The following FGD6 variants were observed in gnomAD, a reference collection of about 807,000 sequenced individuals.
FGD6 encodes FYVE, RhoGEF and PH domain containing 6, also known as FYVE, RhoGEF and PH domain-containing protein 6.
FGD6 carries 90 observed loss-of-function variants against 149.4 expected under a neutral mutation model. That is an observed-to-expected ratio of 0.60 (90% CI 0.51 to 0.72). FGD6 has a LOEUF of 0.72. Ranked by LOEUF, FGD6 falls within the 30% of genes least tolerant of loss-of-function variation. FGD6 has a pLI of 0.00. For synonymous variants in FGD6, 527 were observed against 584.0 expected, an observed-to-expected ratio of 0.90 and a Z score of 1.41; for missense variants, 1,437 against 1,684.8, an observed-to-expected ratio of 0.85 and a Z score of 2.57.
Position 95,084,486 on chromosome 12 carries a change from C to A in FGD6, c.4256+12G>T. 3 of 1,513,020 alleles carry A rather than the reference C, an allele frequency of 2.0e-6. No individual in the cohort carries two copies. Among genetic ancestry groups the A allele is most frequent in the South Asian group, 2.8e-5 (2 of 71,978 alleles). 93.7% of individuals were successfully genotyped at this position (1,513,020 alleles called of 1,614,324 possible). A position where few individuals can be genotyped will look rare whatever the true frequency, so the allele number is the denominator to read the frequency against. The stretch of plus-strand genomic sequence containing the variant: ...CTCATGAATAAAAGAAAAATATGGC[C>A]AGATTACTTACTTCTGAGCCGAATG... On this transcript the variant is annotated intron_variant, in intron 20 of 20. Coordinates refer to ENST00000343958, the MANE Select transcript of FGD6 (RefSeq NM_018351.4).
At chr12:95,216,669 C>A (rs1380932156) in intron 1 of FGD6, among the ~76,000 whole-genome samples, 61 of 88,700 alleles carry the variant, frequency 6.9e-4, no homozygotes, top group Admixed American at 1.6e-3. Context: ...TGCAGACAAG[C>A]AAAAAAAAAA....
intron 2 of FGD6, among the ~76,000 whole-genome samples, chr12:95,184,333 G>T (rs529384697): frequency 6.6e-6 from 1 of 152,218 alleles, no homozygotes; most frequent in Non-Finnish European, 1.5e-5. Flanking sequence ...CACAGAGGGG[G>T]AGGTTAGTCA....
At chr12:95,163,990 C>T (rs532404992) in intron 3 of FGD6, among the ~76,000 whole-genome samples, 2 of 152,326 alleles carry the variant, frequency 1.3e-5, no homozygotes, top group African/African-American at 4.8e-5. Flanking sequence ...CCCATGGCAT[C>T]TCAACTTTTC....
rs144131316 is a variant in FGD6 at position 95,120,002 on chromosome 12, G to A, written c.3083-6301C>T. On this transcript the variant is annotated intron_variant, in intron 8 of 20. Coordinates refer to ENST00000343958, the MANE Select transcript of FGD6 (RefSeq NM_018351.4). ...TCCCAGCACTTTGGGAGGCTGAGGC[G>A]GGAGGATCACGATGTCAGGAGTTCG... Among the ~76,000 whole-genome samples the A allele has an allele frequency of 7.6e-3, 1,147 of 151,740 alleles. 16 individuals are homozygous for A. Among genetic ancestry groups the A allele is most frequent in the African/African-American group, 0.026 (1,081 of 41,386 alleles).
rs576150101 is a variant in FGD6, at chr12:95,141,998, A to G, written c.2686-459T>C. 7.2e-5 allele frequency among the ~76,000 whole-genome samples: 11 copies of G among 152,196 alleles called. No homozygotes were observed. The South Asian group carries it at 1.7e-3, about 23-fold the overall frequency. On this transcript the variant is annotated intron_variant, in intron 5 of 20. Coordinates refer to ENST00000343958, the MANE Select transcript of FGD6 (RefSeq NM_018351.4). ...CATTTCCCAACAACTGGAGCATCCT[A>G]GGTGAGGCATGTGGAGAGAGGCACG...
chr12:95,116,033 C>T (rs771096696), intron 8 of FGD6, among the ~76,000 whole-genome samples: 152 of 151,134 alleles, frequency 1.0e-3, no homozygotes, highest in Middle Eastern at 3.4e-3. Context: ...GAGCATCCCC[C>T]GCAAAATATA....
intron 18 of FGD6, among the ~76,000 whole-genome samples, chr12:95,089,032 C>T (rs1877965962): frequency 1.3e-5 from 2 of 152,302 alleles, no homozygotes; most frequent in South Asian, 2.1e-4. Flanking sequence ...TCTTTGACAT[C>T]TAAATTTGAG....
At chr12:95,189,676 T>C (rs903715967) in intron 2 of FGD6, 1 of 146,756 alleles carries the variant, frequency 6.8e-6, no homozygotes, top group Non-Finnish European at 1.5e-5. Context: ...AAAAAAAGAA[T>C]CTAGTAAGGT....
chr12:95,108,659 T>C (rs1878711768), intron 9 of FGD6, 98 bp from the exon 10 acceptor site: 8 of 1,364,240 alleles, frequency 5.9e-6, no homozygotes, highest in African/African-American at 1.4e-5. Flanking sequence ...AGCTAGTTTA[T>C]AGCAACCAAC....
chr12:95,099,320 G>T (rs1878344112), intron 14 of FGD6, among the ~76,000 whole-genome samples: 1 of 152,204 alleles, frequency 6.6e-6, no homozygotes, highest in Admixed American at 6.5e-5. Context: ...CTGTGGAGTT[G>T]TCTGGCATGC....
At chr12:95,087,283 G>A (rs886599842) in intron 18 of FGD6, among the ~76,000 whole-genome samples, 7 of 152,144 alleles carry the variant, frequency 4.6e-5, no homozygotes, top group African/African-American at 1.7e-4. Flanking sequence ...TCACACTGCT[G>A]TACATTCTCC....
At chr12:95,217,171 C>G (rs2056827829) in intron 1 of FGD6, 54 bp downstream of exon 1, 1 of 1,610,142 alleles carries the variant, frequency 6.2e-7, no homozygotes, top group Non-Finnish European at 8.5e-7. Context: ...CGAGCCCAAG[C>G]CTAGCAGCGC....
chr12:95,153,914 T>A (rs1489222045), intron 3 of FGD6, among the ~76,000 whole-genome samples: 1 of 97,360 alleles, frequency 1.0e-5, no homozygotes, highest in Non-Finnish European at 2.0e-5. Context: ...ATGAAATTCG[T>A]GTGTGTGTGT....
At position 95,217,213 on chromosome 12, in the gene FGD6, G is replaced by T; in HGVS notation, c.16+12C>A. On this transcript the variant is annotated intron_variant, in intron 1 of 20. Coordinates refer to ENST00000343958, the MANE Select transcript of FGD6 (RefSeq NM_018351.4). Reference sequence around the variant, plus strand: ...CAAACTTTCCCGCGGCAGCGCGAGCGCCGTCACTTACCGGCTGCAGAAGTC... The same window carrying T: ...CAAACTTTCCCGCGGCAGCGCGAGCTCCGTCACTTACCGGCTGCAGAAGTC... 1 of 1,612,440 alleles carries T rather than the reference G, an allele frequency of 6.2e-7. No individual in the cohort carries two copies. Among genetic ancestry groups the T allele is most frequent in the Non-Finnish European group, 8.5e-7 (1 of 1,178,952 alleles).
At position 95,217,341 on chromosome 12, in the gene FGD6, A is replaced by AGCGCCCACATTCCGTCCC; in HGVS notation, c.-119_-102dup. On this transcript the variant is annotated 5_prime_UTR_variant, in exon 1 of 21. The change creates a new upstream start codon in the 5' untranslated region. Coordinates refer to ENST00000343958, the MANE Select transcript of FGD6 (RefSeq NM_018351.4). ...TCGGGTAGGAGAGAAAAGCCCCCGC[A>AGCGCCCACATTCCGTCCC]GCGCCCACATTCCGTCCCGCCGCCC... 7.0e-7 allele frequency: 1 copy of AGCGCCCACATTCCGTCCC among 1,432,020 alleles called. No individual in the cohort carries two copies. The allele number at this position is 1,432,020 out of a possible 1,614,324, so 88.7% of individuals were successfully genotyped here. A position where few individuals can be genotyped will look rare whatever the true frequency, so the allele number is the denominator to read the frequency against.
intron 3 of FGD6, among the ~76,000 whole-genome samples, chr12:95,156,497 C>T (rs2136275115): frequency 6.6e-6 from 1 of 152,314 alleles, no homozygotes; most frequent in East Asian, 1.9e-4. Context: ...CTCTCAAACC[C>T]TGTCTCCTGA....
intron 3 of FGD6, among the ~76,000 whole-genome samples, chr12:95,171,333 A>G (rs1378533728): frequency 6.6e-6 from 1 of 152,156 alleles, no homozygotes; most frequent in African/African-American, 2.4e-5. Context: ...TGGCACATGA[A>G]TTTTCTCCAT....
chr12:95,167,576 G>GT (rs1455240959), intron 3 of FGD6, among the ~76,000 whole-genome samples: 1 of 58,564 alleles, frequency 1.7e-5, no homozygotes, highest in East Asian at 4.8e-4. Context: ...TACTGTTTGA[G>GT]GTTTTTTTTT....
chr12:95,165,201 G>A (rs539062902), intron 3 of FGD6, among the ~76,000 whole-genome samples: 2 of 152,154 alleles, frequency 1.3e-5, no homozygotes, highest in Non-Finnish European at 2.9e-5. Context: ...CAAGTTGTTA[G>A]TAGAGACAGA....
Sources: allele counts gnomAD v4.1 joint callset (sites outside exome capture counted in the v4.1 genomes callset), GRCh38; gene constraint gnomAD v4.1.1; transcripts MANE v1.5; gene names NCBI Gene and HGNC (gene_info 2026-07-23, HGNC 2026-07-21).